The following WWOX variants were observed in gnomAD, a reference collection of about 807,000 sequenced individuals.
The protein encoded by WWOX is WW domain containing oxidoreductase.
A neutral mutation model predicts 46.2 loss-of-function variants in WWOX; 69 were observed. The observed-to-expected ratio is 1.49, with a 90% CI of 1.23 to 1.82. WWOX has a LOEUF of 1.82. Ranked by LOEUF, WWOX falls within the 40% of genes most tolerant of loss-of-function variation. The pLI is 0.00. For missense variants in WWOX, 919 were observed against 542.6 expected (o/e 1.69, Z -6.89); for synonymous variants, 359 against 202.6 (o/e 1.77, Z -6.56).
intron 8 of WWOX, among the ~76,000 whole-genome samples, chr16:78,778,785 C>A (rs1014104753): frequency 6.6e-6 from 1 of 152,284 alleles, no homozygotes; most frequent in Non-Finnish European, 1.5e-5. Flanking sequence ...CAACCCTGAG[C>A]CATTTCTGTC....
intron 8 of WWOX, among the ~76,000 whole-genome samples, chr16:78,632,321 G>A (rs1412443435): frequency 6.6e-6 from 1 of 152,194 alleles, no homozygotes; most frequent in African/African-American, 2.4e-5. Context: ...ACGTAGAATA[G>A]TATTTGACAC....
At chr16:78,991,027 A>T (rs1193416385) in intron 8 of WWOX, among the ~76,000 whole-genome samples, 2 of 152,238 alleles carry the variant, frequency 1.3e-5, no homozygotes, top group African/African-American at 4.8e-5. Flanking sequence ...AGATTTATAA[A>T]GTGCCTTTGA....
At chr16:79,071,826 G>C (rs1410499756) in intron 8 of WWOX, among the ~76,000 whole-genome samples, 1 of 152,176 alleles carries the variant, frequency 6.6e-6, no homozygotes, top group African/African-American at 2.4e-5. Flanking sequence ...AAGTGTGTTG[G>C]GAGCTCTGCT....
chr16:78,763,661 C>T (rs535002792), intron 8 of WWOX, among the ~76,000 whole-genome samples: 2 of 152,258 alleles, frequency 1.3e-5, no homozygotes, highest in Admixed American at 1.3e-4. Context: ...GTACAGTGCC[C>T]TGAACATATT....
intron 8 of WWOX, among the ~76,000 whole-genome samples, chr16:78,493,893 T>C (rs4888812): frequency 0.74 from 112,899 of 152,086 alleles, 44,286 homozygotes; most frequent in Admixed American, 0.86. Flanking sequence ...TGAATGGTAA[T>C]ACTTCCCTAC....
At chr16:79,046,278 G>C (rs960432469) in intron 8 of WWOX, among the ~76,000 whole-genome samples, 3 of 152,102 alleles carry the variant, frequency 2.0e-5, no homozygotes, top group Non-Finnish European at 4.4e-5. Flanking sequence ...GAACTGTAAA[G>C]CTCTCAGCCC....
chr16:78,793,226 A>C (rs9936541), intron 8 of WWOX, among the ~76,000 whole-genome samples: 43,749 of 151,846 alleles, frequency 0.29, 7,006 homozygotes, highest in South Asian at 0.37. Context: ...TGCCCAGCTA[A>C]TTTTTATATT....
chr16:78,914,751 C>T (rs774803374), intron 8 of WWOX, among the ~76,000 whole-genome samples: 15 of 150,034 alleles, frequency 1.0e-4, no homozygotes, highest in East Asian at 3.9e-4. Flanking sequence ...TGCTGGCAGG[C>T]GCCTGTAGTC....
intron 8 of WWOX, among the ~76,000 whole-genome samples, chr16:78,582,890 C>T (rs1472664843): frequency 1.3e-5 from 2 of 152,124 alleles, no homozygotes; most frequent in Non-Finnish European, 2.9e-5. Context: ...CTATGGGAAC[C>T]AGAGCTCTGC....
chr16:79,067,367 C>T (rs906819635), intron 8 of WWOX, among the ~76,000 whole-genome samples: 1 of 152,178 alleles, frequency 6.6e-6, no homozygotes, highest in African/African-American at 2.4e-5. Context: ...CTCTCGCTCT[C>T]TCTCTTTCTC....
intron 5 of WWOX, among the ~76,000 whole-genome samples, chr16:78,194,268 A>G (rs1263960613): frequency 6.6e-6 from 1 of 151,876 alleles, no homozygotes; most frequent in Admixed American, 6.6e-5. Flanking sequence ...GGTAGGTGAT[A>G]GGTTTTTCTT....
intron 8 of WWOX, among the ~76,000 whole-genome samples, chr16:78,465,380 G>A (rs906171939): frequency 2.0e-5 from 3 of 152,172 alleles, no homozygotes; most frequent in Non-Finnish European, 4.4e-5. Context: ...GGGTCTTGTT[G>A]TGTTGCCCAG....
At chr16:79,135,480 C>G (rs1475997686) in intron 8 of WWOX, among the ~76,000 whole-genome samples, 8 of 152,162 alleles carry the variant, frequency 5.3e-5, no homozygotes, top group Non-Finnish European at 1.0e-4. Flanking sequence ...ATTCATCTAT[C>G]CATCTATTAA....
chr16:78,351,063 T>G (rs1210626530), intron 5 of WWOX, among the ~76,000 whole-genome samples: 1 of 152,262 alleles, frequency 6.6e-6, no homozygotes, highest in African/African-American at 2.4e-5. Flanking sequence ...ATTGAACATC[T>G]CTTCATATGA....
intron 8 of WWOX, among the ~76,000 whole-genome samples, chr16:78,911,671 G>C (rs2045115023): frequency 6.6e-6 from 1 of 151,964 alleles, no homozygotes; most frequent in African/African-American, 2.4e-5. Flanking sequence ...TTTGAGACCA[G>C]CCTGGCCAAC....
At chr16:78,979,972 CA>C in intron 8 of WWOX, among the ~76,000 whole-genome samples, 1 of 152,050 alleles carries the variant, frequency 6.6e-6, no homozygotes, top group Non-Finnish European at 1.5e-5. Context: ...ACTAAAAATA[CA>C]AAAAATTAGC....
chr16:79,087,347 G>C (rs1370215960), intron 8 of WWOX, among the ~76,000 whole-genome samples: 3 of 152,210 alleles, frequency 2.0e-5, no homozygotes, highest in Non-Finnish European at 4.4e-5. Flanking sequence ...AGCTAGCATG[G>C]GCAGGGGAGA....
intron 8 of WWOX, among the ~76,000 whole-genome samples, chr16:78,779,001 G>A (rs927695224): frequency 6.6e-6 from 1 of 152,152 alleles, no homozygotes; most frequent in Non-Finnish European, 1.5e-5. Context: ...TATTTCAGGG[G>A]ATGACCAGTC....
At chr16:78,985,795 C>G (rs76843903) in intron 8 of WWOX, among the ~76,000 whole-genome samples, 14,589 of 152,064 alleles carry the variant, frequency 0.096, 852 homozygotes, top group East Asian at 0.24. Flanking sequence ...TAGGCACAGA[C>G]AATTTACCTG....
Sources: allele counts gnomAD v4.1 joint callset (sites outside exome capture counted in the v4.1 genomes callset), GRCh38; gene constraint gnomAD v4.1.1; transcripts MANE v1.5; gene names NCBI Gene and HGNC (gene_info 2026-07-23, HGNC 2026-07-21).